GSG1L: variants seen among roughly 807,000 people sequenced by gnomAD.
GSG1L encodes the protein germ cell-specific gene 1-like protein.
In GSG1L, 24 loss-of-function variants were observed where a neutral mutation model predicts 42.1. The ratio of observed to expected loss-of-function variants is 0.57; its 90% CI spans 0.41 to 0.80. The LOEUF is 0.80. Ranked by LOEUF, GSG1L falls within the 30% of genes least tolerant of loss-of-function variation. The pLI, the probability that GSG1L is intolerant of heterozygous loss-of-function variation, is 0.00. For missense variants in GSG1L, 445 were observed against 472.2 expected, an observed-to-expected ratio of 0.94 and a Z score of 0.53; for synonymous variants, 215 against 203.5, an observed-to-expected ratio of 1.06 and a Z score of -0.48.
intron 5 of GSG1L, among the ~76,000 whole-genome samples, chr16:27,810,771 T>G (rs1221335010): frequency 6.6e-6 from 1 of 151,862 alleles, no homozygotes; most frequent in East Asian, 1.9e-4. Context: ...CACCACAACC[T>G]CCTCCTCCTG....
chr16:27,795,437 G>A (rs960498196), intron 6 of GSG1L, among the ~76,000 whole-genome samples: 4 of 152,124 alleles, frequency 2.6e-5, no homozygotes, highest in Admixed American at 2.6e-4. Context: ...AAGCCGTGTG[G>A]CTTCTGACAA....
At position 27,843,508 on chromosome 16, in the gene GSG1L, A is replaced by T. The variant is rs958134416; in HGVS notation, c.662+1442T>A. ...GGTGACAGAGCAGAGACTCTGTAAA[A>T]AAAAAAAAAAAAAAAAAAAAAGGAA... is the stretch of plus-strand genomic sequence containing the variant. On this transcript the variant is annotated intron_variant, in intron 4 of 6. Transcript: ENST00000447459. Among the ~76,000 whole-genome samples the T allele has an allele frequency of 7.0e-3, 1,039 of 147,626 alleles. 15 individuals carry two copies. Among genetic ancestry groups the T allele is most frequent in the African/African-American group, 0.026 (988 of 38,400 alleles).
chr16:27,954,235 A>G lies in GSG1L; in HGVS notation c.397+8921T>C, dbSNP rs2084981956. Among the ~76,000 whole-genome samples the G allele has an allele frequency of 2.0e-5, 3 of 152,230 alleles. No homozygotes were observed. The South Asian group carries it at 6.2e-4, about 32-fold the overall frequency. On this transcript the variant is annotated intron_variant, in intron 2 of 6. Transcript: ENST00000447459. ...CCAATCATTACAGTTAAGGAATAAGAAAGTCATAAATCCTCAGAACAAAGA... is the reference window on the plus strand; with the variant it reads ...CCAATCATTACAGTTAAGGAATAAGGAAGTCATAAATCCTCAGAACAAAGA...
In GSG1L at chr16:27,791,258, A is replaced by G. The variant is rs1341515265; in HGVS notation, c.*112T>C. 6.4e-6 allele frequency: 4 copies of G among 628,752 alleles called. No homozygotes were observed. The highest frequency in any genetic ancestry group is 3.2e-5 in the East Asian group (1 of 31,120). 38.9% of individuals were successfully genotyped at this position (628,752 alleles called of 1,614,324 possible). Reference sequence around the variant, plus strand: ...GGCCTGGCATCTCCCACGCAGGCTGACTGAGTTCACGGCACACAGGCCAGG... The same window carrying G: ...GGCCTGGCATCTCCCACGCAGGCTGGCTGAGTTCACGGCACACAGGCCAGG... On this transcript the variant is annotated 3_prime_UTR_variant, in exon 7 of 7. Coordinates refer to ENST00000447459, the MANE Select transcript of GSG1L (RefSeq NM_001109763.2).
chr16:27,796,931 C>A (rs1446012443), intron 6 of GSG1L, among the ~76,000 whole-genome samples: 1 of 152,116 alleles, frequency 6.6e-6, no homozygotes, highest in Non-Finnish European at 1.5e-5. Context: ...ATGCGGCCCT[C>A]CCCCCGGGTG....
intron 2 of GSG1L, among the ~76,000 whole-genome samples, chr16:27,939,212 C>T (rs570591788): frequency 2.6e-5 from 4 of 152,214 alleles, no homozygotes; most frequent in African/African-American, 9.6e-5. Flanking sequence ...GCCACGACCT[C>T]CTGAGCTCAA....
intron 1 of GSG1L, among the ~76,000 whole-genome samples, chr16:27,971,011 T>C (rs899914076): frequency 7.2e-5 from 11 of 152,256 alleles, no homozygotes; most frequent in Admixed American, 2.0e-4. Flanking sequence ...CATTAATTTA[T>C]ATGTCTCTCC....
Position 27,965,239 on chromosome 16 carries a change from G to A in GSG1L, c.350-2036C>T, listed in dbSNP as rs1353268684. 5.3e-5 allele frequency among the ~76,000 whole-genome samples: 8 copies of A among 151,830 alleles called. No homozygotes were observed. In the East Asian group the frequency reaches 1.4e-3, roughly 26 times the overall value. ...TCTCCATGTTGTCCAGGCTGGTCTC[G>A]AACTCCTGACCTCAAGTGATCTGCC... On this transcript the variant is annotated intron_variant, in intron 1 of 6. Coordinates refer to ENST00000447459, the MANE Select transcript of GSG1L (RefSeq NM_001109763.2).
At position 28,041,000 on chromosome 16, in the gene GSG1L, G is replaced by A. The variant is rs1262356524; in HGVS notation, c.349+22076C>T. ...TCAATCTCACATCAACCCCTAAGAT[G>A]TTTGGTTTTTATGTCCATTTCATTG... On this transcript the variant is annotated intron_variant, in intron 1 of 6. Coordinates refer to ENST00000447459, the MANE Select transcript of GSG1L (RefSeq NM_001109763.2). The surrounding 1 kb of genome is among the most constrained non-coding windows in gnomAD (Gnocchi z 4.1). Among the ~76,000 whole-genome samples the A allele has an allele frequency of 6.6e-6, 1 of 152,192 alleles. No homozygotes were observed. Among genetic ancestry groups the A allele is most frequent in the Non-Finnish European group, 1.5e-5 (1 of 68,030 alleles).
At chr16:28,055,109 C>T (rs1370129794) in intron 1 of GSG1L, among the ~76,000 whole-genome samples, 1 of 152,116 alleles carries the variant, frequency 6.6e-6, no homozygotes, top group African/African-American at 2.4e-5. Flanking sequence ...CTGGCTCTGG[C>T]CTCTGAGGGG....
chr16:27,834,483 G>GAA (rs35119436), intron 4 of GSG1L, among the ~76,000 whole-genome samples: 35 of 146,064 alleles, frequency 2.4e-4, no homozygotes, highest in Middle Eastern at 3.6e-3. Flanking sequence ...TCTATTTTCT[G>GAA]AAAAAAAAAA....
In GSG1L at chr16:27,883,118, CAA is replaced by C. The variant is rs1282858322; in HGVS notation, c.550+1366_550+1367del. ...TAGGCAACAAAGCAAGACCCAATCT[CAA>C]AAAAAAAAAAAAAAAAAAAGAGAGA... On this transcript the variant is annotated intron_variant, in intron 3 of 6. Transcript: ENST00000447459. Among the ~76,000 whole-genome samples the C allele has an allele frequency of 2.5e-3, 177 of 70,180 alleles. 1 individual carries two copies. The highest frequency in any genetic ancestry group is 8.6e-3 in the Middle Eastern group (1 of 116). The allele number at this position is 70,180 out of a possible 152,430, so 46.0% of individuals were successfully genotyped here.
intron 3 of GSG1L, among the ~76,000 whole-genome samples, chr16:27,880,617 A>C (rs188389601): frequency 6.6e-6 from 1 of 152,308 alleles, no homozygotes. Context: ...TCTCCCCACT[A>C]GGAGGAAACC....
chr16:27,911,459 G>C (rs975116777), intron 2 of GSG1L, among the ~76,000 whole-genome samples: 9 of 152,026 alleles, frequency 5.9e-5, no homozygotes, highest in African/African-American at 2.2e-4. Flanking sequence ...CCCTGCTGAT[G>C]TTTTGTATTT....
At chr16:27,813,276 T>C (rs564750463) in intron 5 of GSG1L, among the ~76,000 whole-genome samples, 1 of 122,150 alleles carries the variant, frequency 8.2e-6, no homozygotes, top group South Asian at 2.5e-4. Flanking sequence ...CTGGTGTCTG[T>C]TGTTCCCTCA....
chr16:28,009,549 AG>A (rs1241027504), intron 1 of GSG1L, among the ~76,000 whole-genome samples: 8 of 152,222 alleles, frequency 5.3e-5, no homozygotes, highest in Admixed American at 2.6e-4. Flanking sequence ...TGCCTAGCAC[AG>A]GGCGCGGGCT....
chr16:27,861,374 C>A (rs953022250), intron 3 of GSG1L, among the ~76,000 whole-genome samples: 2 of 150,746 alleles, frequency 1.3e-5, no homozygotes, highest in East Asian at 3.9e-4. Flanking sequence ...GACTCCATTT[C>A]AAAAAAAATT....
intron 1 of GSG1L, among the ~76,000 whole-genome samples, chr16:28,049,686 CAAAAAAAAAA>C (rs34371458): frequency 2.5e-5 from 3 of 122,286 alleles, no homozygotes; most frequent in Non-Finnish European, 5.3e-5. Context: ...GACCCTGTCT[CAAAAAAAAAA>C]AAAAAGAAGA....
intron 2 of GSG1L, among the ~76,000 whole-genome samples, chr16:27,916,155 G>A (rs1422104383): frequency 6.6e-6 from 1 of 152,104 alleles, no homozygotes; most frequent in African/African-American, 2.4e-5. Flanking sequence ...GCTGAAGGTG[G>A]AACCAACTCT....
Sources: allele counts gnomAD v4.1 joint callset (sites outside exome capture counted in the v4.1 genomes callset), GRCh38; gene constraint gnomAD v4.1.1; non-coding constraint Gnocchi (gnomAD v3.1); transcripts MANE v1.5; gene names NCBI Gene and HGNC (gene_info 2026-07-23, HGNC 2026-07-21).